RABGAP1L: variants seen among roughly 807,000 people sequenced by gnomAD.
RABGAP1L encodes rab GTPase-activating protein 1-like.
RABGAP1L carries 63 observed loss-of-function variants against 137.7 expected under a neutral mutation model. That is an observed-to-expected ratio of 0.46 (90% CI 0.37 to 0.56). The LOEUF is 0.56. Among genes scored for constraint, RABGAP1L ranks in the 20% least tolerant of loss-of-function variants. The pLI is 0.00. For missense variants in RABGAP1L, 1,095 were observed against 1,244.0 expected (o/e 0.88, Z 1.80); for synonymous variants, 431 against 433.7 (o/e 0.99, Z 0.08).
intron 19 of RABGAP1L, among the ~76,000 whole-genome samples, chr1:174,889,700 G>C (rs770638705): frequency 2.1e-4 from 32 of 151,922 alleles, no homozygotes; most frequent in Non-Finnish European, 3.2e-4. Flanking sequence ...CATAGTGCTG[G>C]GGTTGCAGGC....
intron 8 of RABGAP1L, among the ~76,000 whole-genome samples, chr1:174,275,560 T>C (rs1674924447): frequency 1.3e-5 from 2 of 152,150 alleles, no homozygotes. Flanking sequence ...TGTAACAATA[T>C]TATGTTTTTT....
intron 14 of RABGAP1L, among the ~76,000 whole-genome samples, chr1:174,637,699 G>A (rs1362544669): frequency 6.6e-6 from 1 of 152,162 alleles, no homozygotes; most frequent in Non-Finnish European, 1.5e-5. Context: ...AGGAGGCGCA[G>A]CATAGCCTCA....
chr1:174,495,123 G>T (rs1660624151), intron 13 of RABGAP1L, among the ~76,000 whole-genome samples: 1 of 152,128 alleles, frequency 6.6e-6, no homozygotes, highest in Non-Finnish European at 1.5e-5. Context: ...ATGAGTGTTT[G>T]CCCTAGTCTG....
At chr1:174,778,832 G>C (rs775819834) in intron 18 of RABGAP1L, among the ~76,000 whole-genome samples, 1 of 152,054 alleles carries the variant, frequency 6.6e-6, no homozygotes. Flanking sequence ...CTGACCTTGT[G>C]ATCCACCCAC....
chr1:174,789,180 T>C (rs1687671130), intron 18 of RABGAP1L, among the ~76,000 whole-genome samples: 1 of 152,200 alleles, frequency 6.6e-6, no homozygotes, highest in Admixed American at 6.5e-5. Flanking sequence ...CTCAGCTACT[T>C]GCATGTCTAA....
chr1:174,463,475 A>G (rs1656942189), intron 13 of RABGAP1L, among the ~76,000 whole-genome samples: 1 of 151,218 alleles, frequency 6.6e-6, no homozygotes, highest in East Asian at 1.9e-4. Context: ...GATCACATGG[A>G]CACAGGAAGG....
chr1:174,264,699 C>CG (rs1673899367), intron 7 of RABGAP1L, among the ~76,000 whole-genome samples: 1 of 151,926 alleles, frequency 6.6e-6, no homozygotes, highest in Admixed American at 6.6e-5. Flanking sequence ...TCTCACTCTA[C>CG]ATCTAATTCT....
At chr1:174,533,704 CTT>C (rs1037314743) in intron 13 of RABGAP1L, among the ~76,000 whole-genome samples, 5 of 151,948 alleles carry the variant, frequency 3.3e-5, no homozygotes, top group African/African-American at 1.2e-4. Flanking sequence ...GAGTTTCGCT[CTT>C]GTTGCCTAGG....
intron 19 of RABGAP1L, among the ~76,000 whole-genome samples, chr1:174,917,727 G>A (rs1185844058): frequency 1.3e-5 from 2 of 152,140 alleles, no homozygotes. Context: ...GAGGTCAGGA[G>A]TTCAAGACCA....
At chr1:174,409,072 T>C (rs921258854) in intron 13 of RABGAP1L, among the ~76,000 whole-genome samples, 3 of 152,190 alleles carry the variant, frequency 2.0e-5, no homozygotes, top group East Asian at 1.9e-4. Flanking sequence ...TTTAATTAGG[T>C]CCTACTTGTT....
chr1:174,490,363 G>C (rs766427861), intron 13 of RABGAP1L, among the ~76,000 whole-genome samples: 1 of 152,144 alleles, frequency 6.6e-6, no homozygotes, highest in Non-Finnish European at 1.5e-5. Flanking sequence ...TCTTAGATAA[G>C]ATCTGGAAGA....
At chr1:174,674,946 A>G (rs373343246) in intron 14 of RABGAP1L, among the ~76,000 whole-genome samples, 2 of 151,744 alleles carry the variant, frequency 1.3e-5, no homozygotes, top group African/African-American at 4.8e-5. Context: ...TTTGTTTTTT[A>G]CTTGTAAATT....
chr1:174,446,088 A>G (rs945000123), intron 13 of RABGAP1L, among the ~76,000 whole-genome samples: 5 of 152,142 alleles, frequency 3.3e-5, no homozygotes, highest in African/African-American at 9.7e-5. Context: ...TCAGCCCAGG[A>G]TGAGGAGGAG....
chr1:174,512,544 C>T lies in RABGAP1L; in HGVS notation c.1710+118399C>T, dbSNP rs896540685. The stretch of plus-strand genomic sequence containing the variant: ...TTATACTTTAGCACAACACCTTCTT[C>T]GAAGTAAAGGGGACAACTGAAATGT... On this transcript the variant is annotated intron_variant, in intron 13 of 25. Coordinates refer to ENST00000681986, the MANE Select transcript of RABGAP1L (RefSeq NM_001366446.1). 3.3e-5 allele frequency among the ~76,000 whole-genome samples: 5 copies of T among 152,140 alleles called. 1 individual carries two copies. Among genetic ancestry groups the T allele is most frequent in the Admixed American group, 2.6e-4 (4 of 15,270 alleles).
At chr1:174,473,871 G>C (rs1000488639) in intron 13 of RABGAP1L, among the ~76,000 whole-genome samples, 2 of 152,178 alleles carry the variant, frequency 1.3e-5, no homozygotes, top group Non-Finnish European at 2.9e-5. Context: ...CTCCGTTGTA[G>C]TAGAGATGAG....
chr1:174,319,745 T>G (rs1421131921), intron 11 of RABGAP1L, among the ~76,000 whole-genome samples: 1 of 152,192 alleles, frequency 6.6e-6, no homozygotes. Context: ...GCTGGGAGTT[T>G]TTATCATGAA....
chr1:174,343,766 T>C (rs1682190462), intron 11 of RABGAP1L, among the ~76,000 whole-genome samples: 1 of 151,572 alleles, frequency 6.6e-6, no homozygotes, highest in African/African-American at 2.4e-5. Flanking sequence ...TCAAAAGGAG[T>C]GGGTACTCCT....
At chr1:174,401,617 T>A (rs1648593776) in intron 13 of RABGAP1L, among the ~76,000 whole-genome samples, 1 of 152,196 alleles carries the variant, frequency 6.6e-6, no homozygotes, top group Admixed American at 6.5e-5. Context: ...CCCTGTTATC[T>A]ACTTGTACCG....
intron 20 of RABGAP1L, 26 bp downstream of exon 20, chr1:174,957,575 A>T: frequency 2.6e-6 from 4 of 1,558,050 alleles, no homozygotes; most frequent in Non-Finnish European, 2.7e-6. Context: ...TGCACCTATC[A>T]AAGTACCTTC....
Sources: allele counts gnomAD v4.1 joint callset (sites outside exome capture counted in the v4.1 genomes callset), GRCh38; gene constraint gnomAD v4.1.1; transcripts MANE v1.5; gene names NCBI Gene and HGNC (gene_info 2026-07-23, HGNC 2026-07-21).